Variants in TIMELESS observed in about 807,000 individuals in gnomAD.
TIMELESS encodes the protein protein timeless homolog.
TIMELESS carries 124 observed loss-of-function variants against 164.3 expected under a neutral mutation model. The ratio of observed to expected loss-of-function variants is 0.75; its 90% CI spans 0.65 to 0.88. The LOEUF is 0.88. Ranked by LOEUF, TIMELESS falls within the 40% of genes least tolerant of loss-of-function variation. The pLI, the probability that TIMELESS is intolerant of heterozygous loss-of-function variation, is 0.00. For synonymous variants in TIMELESS, 564 were observed against 563.4 expected (o/e 1.00, Z -0.02); for missense variants, 1,422 against 1,491.4 (o/e 0.95, Z 0.77).
chr12:56,421,479 T>C lies in TIMELESS; in HGVS notation c.2740A>G (p.Ile914Val). The change falls in exon 23 of 29, where the codon ATC becomes GTC. Residue 914 changes from isoleucine to valine, a missense_variant. Physicochemically the swap from Ile to Val is conservative, Grantham distance 29. Transcript: ENST00000553532. ...CGTTTGGCTGTGATATTCTTCATGATATGACCCAGGACATCTATAAAAAGC... is the reference window on the plus strand; with the variant it reads ...CGTTTGGCTGTGATATTCTTCATGACATGACCCAGGACATCTATAAAAAGC... Reference protein sequence around the residue: ...FRDSDDVLGHIMKNITAKRSR... With the variant: ...FRDSDDVLGHVMKNITAKRSR... 8 of 1,613,450 alleles carry C rather than the reference T, an allele frequency of 5.0e-6. No individual in the cohort carries two copies. Among genetic ancestry groups the C allele is most frequent in the Non-Finnish European group, 5.9e-6 (7 of 1,179,654 alleles).
At chr12:56,448,492 C>G (rs1370538651) in intron 1 of TIMELESS, among the ~76,000 whole-genome samples, 1 of 151,674 alleles carries the variant, frequency 6.6e-6, no homozygotes, top group African/African-American at 2.4e-5. Flanking sequence ...TTTGGGAGGC[C>G]GAGGCGGGCG....
intron 26 of TIMELESS, among the ~76,000 whole-genome samples, chr12:56,420,000 C>G (rs550969619): frequency 0.029 from 792 of 27,334 alleles, 9 homozygotes; most frequent in African/African-American, 0.077. Flanking sequence ...GAGTGAGACT[C>G]TGTCTCAAAA....
At chr12:56,420,721 A>G (rs765405699) in intron 25 of TIMELESS, 34 bp from the exon 26 acceptor site, 4 of 1,613,600 alleles carry the variant, frequency 2.5e-6, no homozygotes, top group South Asian at 1.1e-5. Context: ...TGGTGAAGAT[A>G]TAAGGGAAGA....
chr12:56,429,020 G>A lies in TIMELESS; in HGVS notation c.1167C>T (p.Asn389=). Residue 389 remains asparagine (N), a synonymous_variant, in exon 11 of 29, where the codon AAC becomes AAT. Transcript: ENST00000553532. The part of the protein sequence containing the change: ...MWALAFFMAF[N]RAASFRPGLV... Reference sequence around the variant, plus strand: ...GGCCTGGCCGGAAGGAGGCAGCTCGGTTGAAGGCCATGAAGAAAGCCAAGG... The same window carrying A: ...GGCCTGGCCGGAAGGAGGCAGCTCGATTGAAGGCCATGAAGAAAGCCAAGG... 6.2e-7 allele frequency: 1 copy of A among 1,614,124 alleles called. No individual in the cohort carries two copies. The highest frequency in any genetic ancestry group is 8.5e-7 in the Non-Finnish European group (1 of 1,180,020).
chr12:56,428,894 G>T lies in TIMELESS; in HGVS notation c.1293C>A (p.Ser431=). 6.2e-7 allele frequency: 1 copy of T among 1,613,774 alleles called. No homozygotes were observed. The highest frequency in any genetic ancestry group is 8.5e-7 in the Non-Finnish European group (1 of 1,180,032). The change falls in exon 11 of 29, where the codon TCC becomes TCA. Residue 431 remains serine, a synonymous_variant. Transcript: ENST00000553532. ...MMLTDRKEAA[S]WARRMHLALK... The stretch of plus-strand genomic sequence containing the variant: ...ACCATCCCACTCACCGGCGTGCCCA[G>T]GAGGCAGCTTCCTTGCGGTCAGTCA...
rs772677471 is a variant in TIMELESS at position 56,428,361 on chromosome 12, G to A, written c.1453C>T (p.Leu485Phe). Reference sequence around the variant, plus strand: ...CATCTCTCATCAAACTTTCGAAAAAGTGCCAGGAATAGTTCTCGGTACTCC... The same window carrying A: ...CATCTCTCATCAAACTTTCGAAAAAATGCCAGGAATAGTTCTCGGTACTCC... ...VMEYRELFLA[L>F]FRKFDERCQP... Residue 485 changes from leucine (L) to phenylalanine (F), a missense_variant, in exon 13 of 29, where the codon CTT becomes TTT. By Grantham distance (22) the Leu-to-Phe change is conservative. Coordinates refer to ENST00000553532, the MANE Select transcript of TIMELESS (RefSeq NM_003920.5). 142 of 1,613,172 alleles carry A rather than the reference G, an allele frequency of 8.8e-5. 1 individual carries two copies. The highest frequency in any genetic ancestry group is 1.2e-4 in the Non-Finnish European group (140 of 1,179,322).
Position 56,428,321 on chromosome 12 carries a change from A to G in TIMELESS, c.1493T>C (p.Phe498Ser), listed in dbSNP as rs1229030855. 1.9e-6 allele frequency: 3 copies of G among 1,613,768 alleles called. No homozygotes were observed. The highest frequency in any genetic ancestry group is 1.7e-5 in the Admixed American group (1 of 60,010). ...KFDERCQPRSFLRDLVETTHL... is the reference protein window; with the variant it reads ...KFDERCQPRSSLRDLVETTHL... Reference sequence around the variant, plus strand: ...GGTGGTCTCCACCAGGTCACGAAGGAAAGAGCGGGGCTGGCATCTCTCATC... The same window carrying G: ...GGTGGTCTCCACCAGGTCACGAAGGGAAGAGCGGGGCTGGCATCTCTCATC... Residue 498 changes from phenylalanine to serine, a missense_variant, in exon 13 of 29, where the codon TTC becomes TCC. Coordinates refer to ENST00000553532, the MANE Select transcript of TIMELESS (RefSeq NM_003920.5).
At chr12:56,431,076 G>A (rs113963997) in intron 8 of TIMELESS, 108 bp from the exon 9 acceptor site, 17 of 732,798 alleles carry the variant, frequency 2.3e-5, no homozygotes, top group African/African-American at 1.1e-4. Flanking sequence ...AATGTTGGTC[G>A]GGCACGGTGG....
intron 15 of TIMELESS, 142 bp downstream of exon 15, chr12:56,424,620 C>T: frequency 1.0e-6 from 1 of 966,160 alleles, no homozygotes; most frequent in Non-Finnish European, 1.4e-6. Flanking sequence ...ACAAACCAAT[C>T]AAAACGCCCC....
Position 56,432,353 on chromosome 12 carries a change from T to C in TIMELESS, c.687+16A>G. ...ACATGGGCGGAGGGGACTCGGGCAA[T>C]AGGCCAGGGTCTCACCTGGTCACGA... On this transcript the variant is annotated intron_variant, in intron 7 of 28. Transcript: ENST00000553532. The C allele has an allele frequency of 1.2e-6, 2 of 1,602,822 alleles. No homozygotes were observed. The highest frequency in any genetic ancestry group is 1.7e-6 in the Non-Finnish European group (2 of 1,170,838).
chr12:56,441,791 G>A (rs1206038108), intron 1 of TIMELESS, among the ~76,000 whole-genome samples: 3 of 151,508 alleles, frequency 2.0e-5, no homozygotes, highest in Non-Finnish European at 2.9e-5. Flanking sequence ...TTTAAGAAAT[G>A]TAGATGCAGA....
At chr12:56,430,856 C>T in intron 9 of TIMELESS, 25 bp downstream of exon 9, 1 of 1,489,584 alleles carries the variant, frequency 6.7e-7, no homozygotes, top group Admixed American at 2.0e-5. Context: ...CACTATGTTC[C>T]CACTCCAGAT....
In TIMELESS at chr12:56,440,822, TAC is replaced by T. The variant is rs368718898; in HGVS notation, c.-61-6593_-61-6592del. 1.1e-4 allele frequency among the ~76,000 whole-genome samples: 16 copies of T among 152,310 alleles called. No individual in the cohort carries two copies. In the East Asian group the frequency reaches 1.9e-3, roughly 18 times the overall value. On this transcript the variant is annotated intron_variant, in intron 1 of 28. Coordinates refer to ENST00000553532, the MANE Select transcript of TIMELESS (RefSeq NM_003920.5). ...TCTTAGGGCAATTTGACAGGCAGTT[TAC>T]AGTTTTGTTTTGAGACAGGGTCTCC...
In TIMELESS at chr12:56,432,377, G is replaced by T. The variant is rs577647624; in HGVS notation, c.679C>A (p.Arg227Ser). ...ATAGGCCAGGGTCTCACCTGGTCAC[G>T]AAACATAAGGGAGACAATCTCTAGC... Reference protein sequence around the residue: ...HVLEIVSLMFRDQNPEQLAGV... With the variant: ...HVLEIVSLMFSDQNPEQLAGV... The change falls in exon 7 of 29, where the codon CGT becomes AGT. Residue 227 changes from arginine (R) to serine (S), a missense_variant. By Grantham distance (110) the Arg-to-Ser change is moderately radical. Transcript: ENST00000553532. 6.2e-7 allele frequency: 1 copy of T among 1,613,306 alleles called. No individual in the cohort carries two copies. Among genetic ancestry groups the T allele is most frequent in the African/African-American group, 1.3e-5 (1 of 75,046 alleles).
At chr12:56,421,628 G>A (rs1168175228) in intron 22 of TIMELESS, 99 bp downstream of exon 22, 1 of 1,530,576 alleles carries the variant, frequency 6.5e-7, no homozygotes, top group Non-Finnish European at 9.0e-7. Context: ...TGAACAGAAG[G>A]GATGGGAGAA....
chr12:56,424,640 T>C (rs993556335), intron 15 of TIMELESS, 122 bp downstream of exon 15: 14 of 1,226,754 alleles, frequency 1.1e-5, no homozygotes, highest in Admixed American at 2.6e-5. Context: ...CAGGAGTCAG[T>C]TGGTATACAG....
At chr12:56,422,821 C>A in intron 19 of TIMELESS, 26 bp downstream of exon 19, 3 of 1,565,818 alleles carry the variant, frequency 1.9e-6, no homozygotes, top group Admixed American at 1.8e-5. Flanking sequence ...CTACCCCCAC[C>A]CACCCTTTGC....
intron 26 of TIMELESS, among the ~76,000 whole-genome samples, chr12:56,420,104 T>A (rs965362536): frequency 6.8e-6 from 1 of 146,332 alleles, no homozygotes; most frequent in Non-Finnish European, 1.5e-5. Context: ...TGTATATATA[T>A]ATATTTACAA....
At position 56,420,812 on chromosome 12, in the gene TIMELESS, C is replaced by A. The variant is rs778398187; in HGVS notation, c.3109+1G>T. 16 of 1,614,084 alleles carry A rather than the reference C, an allele frequency of 9.9e-6. No homozygotes were observed. Among genetic ancestry groups the A allele is most frequent in the Admixed American group, 1.7e-5 (1 of 59,996 alleles). On this transcript the variant is annotated splice_donor_variant, in intron 25 of 28. Coordinates refer to ENST00000553532, the MANE Select transcript of TIMELESS (RefSeq NM_003920.5). LOFTEE classifies it high-confidence loss of function. ...CCTAAAAGTGTCACCTGTCCACTCA[C>A]CATCCTCTTCCCGATCATCAGCTGC...
Sources: allele counts gnomAD v4.1 joint callset (sites outside exome capture counted in the v4.1 genomes callset), GRCh38; gene constraint gnomAD v4.1.1; transcripts MANE v1.5; gene names NCBI Gene and HGNC (gene_info 2026-07-23, HGNC 2026-07-21).